The following TOP3A variants were observed in gnomAD, a reference collection of about 807,000 sequenced individuals.
The protein encoded by TOP3A is DNA topoisomerase 3-alpha.
Under a neutral mutation model 111.3 loss-of-function variants are expected in TOP3A, and 64 were observed. The observed-to-expected ratio is 0.57, with a 90% CI of 0.47 to 0.71. TOP3A has a LOEUF of 0.71. Among genes scored for constraint, TOP3A ranks in the 30% least tolerant of loss-of-function variants. The pLI is 0.00. For synonymous variants in TOP3A, 484 were observed against 485.1 expected (o/e 1.00, Z 0.03); for missense variants, 1,104 against 1,285.0 (o/e 0.86, Z 2.15).
chr17:18,271,576 G>T lies in TOP3A; in HGVS notation c.*3226C>A, dbSNP rs1027839554. The T allele has an allele frequency of 4.0e-6, 1 of 249,304 alleles. No homozygotes were observed. Among genetic ancestry groups the T allele is most frequent in the African/African-American group, 2.4e-5 (1 of 42,090 alleles). The allele number at this position is 249,304 out of a possible 1,614,324, so 15.4% of individuals were successfully genotyped here. A position where few individuals can be genotyped will look rare whatever the true frequency, so the allele number is the denominator to read the frequency against. ...CACCCAGGGTGGCAGAAGAGGCCAG[G>T]AAGTGGGAGCTGAGCCTGGGTCTGT... On this transcript the variant is annotated 3_prime_UTR_variant, in exon 19 of 19. Coordinates refer to ENST00000321105, the MANE Select transcript of TOP3A (RefSeq NM_004618.5).
intron 9 of TOP3A, 44 bp downstream of exon 9, chr17:18,299,515 G>GT (rs774640262): frequency 5.7e-6 from 9 of 1,573,600 alleles, no homozygotes; most frequent in Admixed American, 1.7e-5. Context: ...CCTCAAAACA[G>GT]TAAGTGTTCC....
At chr17:18,289,986 C>T (rs1474421824) in intron 13 of TOP3A, among the ~76,000 whole-genome samples, 1 of 152,186 alleles carries the variant, frequency 6.6e-6, no homozygotes, top group Non-Finnish European at 1.5e-5. Flanking sequence ...AGATTAGTTA[C>T]AAGGCCCTAC....
chr17:18,305,929 C>T (rs1308952149), intron 4 of TOP3A, among the ~76,000 whole-genome samples: 1 of 151,658 alleles, frequency 6.6e-6, no homozygotes, highest in Non-Finnish European at 1.5e-5. Context: ...TGGCCAGGCT[C>T]GGTGGCTCAC....
intron 17 of TOP3A, among the ~76,000 whole-genome samples, chr17:18,279,201 AC>A (rs1979596147): frequency 6.6e-6 from 1 of 152,206 alleles, no homozygotes; most frequent in Non-Finnish European, 1.5e-5. Context: ...GTATTTTATT[AC>A]CCTAAAAAAC....
At chr17:18,306,988 A>C in intron 3 of TOP3A, 22 bp from the exon 4 acceptor site, 1 of 1,580,310 alleles carries the variant, frequency 6.3e-7, no homozygotes, top group Non-Finnish European at 8.7e-7. Flanking sequence ...ATGAAAACAG[A>C]GTCCCAACTC....
At chr17:18,290,709 CA>C (rs1567741103) in intron 12 of TOP3A, 23 bp from the exon 13 acceptor site, 2 of 1,580,492 alleles carry the variant, frequency 1.3e-6, no homozygotes, top group South Asian at 2.3e-5. Context: ...GCAGGTGCAA[CA>C]GTCAGATGAT....
At chr17:18,299,297 G>T (rs1981070480) in intron 9 of TOP3A, among the ~76,000 whole-genome samples, 1 of 152,072 alleles carries the variant, frequency 6.6e-6, no homozygotes, top group Non-Finnish European at 1.5e-5. Context: ...TGGTCATAGT[G>T]GTACATGACT....
At chr17:18,304,987 TCA>T (rs1981463926) in intron 5 of TOP3A, 123 bp downstream of exon 5, 1 of 774,694 alleles carries the variant, frequency 1.3e-6, no homozygotes, top group African/African-American at 1.7e-5. Context: ...CTGGTGGGAC[TCA>T]CAGACTGGGA....
At chr17:18,278,856 T>C (rs1979572896) in intron 17 of TOP3A, among the ~76,000 whole-genome samples, 1 of 152,192 alleles carries the variant, frequency 6.6e-6, no homozygotes, top group Non-Finnish European at 1.5e-5. Flanking sequence ...CACGCGCCTG[T>C]AGTCCCAGCT....
chr17:18,303,801 A>C (rs1981386440), intron 5 of TOP3A, among the ~76,000 whole-genome samples: 1 of 152,172 alleles, frequency 6.6e-6, no homozygotes, highest in African/African-American at 2.4e-5. Context: ...GCACTGGTGT[A>C]GGTCTTCACT....
At position 18,292,745 on chromosome 17, in the gene TOP3A, T is replaced by C; in HGVS notation, c.1181A>G (p.Gln394Arg). 6.2e-7 allele frequency: 1 copy of C among 1,613,686 alleles called. No homozygotes were observed. Among genetic ancestry groups the C allele is most frequent in the East Asian group, 2.2e-5 (1 of 44,838 alleles). ...TPDPRWGAFA[Q>R]SILERGGPTP... ...GGGACCACCCCGCTCTAGAATGCTC[T>C]GGGCAAAGGCCCCCCAGCGTGGATC... Residue 394 changes from glutamine to arginine, a missense_variant, in exon 11 of 19, where the codon CAG becomes CGG. By Grantham distance (43) the Gln-to-Arg change is conservative. Transcript: ENST00000321105.
intron 1 of TOP3A, among the ~76,000 whole-genome samples, chr17:18,311,683 C>T (rs1981921025): frequency 6.6e-6 from 1 of 152,236 alleles, no homozygotes; most frequent in South Asian, 2.1e-4. Flanking sequence ...AATCACTGTC[C>T]TTTGGAGTTT....
intron 13 of TOP3A, among the ~76,000 whole-genome samples, chr17:18,288,244 C>G (rs1980247825): frequency 6.7e-6 from 1 of 149,566 alleles, no homozygotes; most frequent in Non-Finnish European, 1.5e-5. Flanking sequence ...CCTCCACCTC[C>G]CGGGTTCAAG....
chr17:18,291,078 G>A, intron 11 of TOP3A, 51 bp from the exon 12 acceptor site: 1 of 1,575,026 alleles, frequency 6.3e-7, no homozygotes, highest in Non-Finnish European at 8.7e-7. Context: ...CACCTCTCAA[G>A]GACAGGAGCA....
intron 13 of TOP3A, 96 bp downstream of exon 13, chr17:18,290,461 G>A (rs138772448): frequency 1.5e-6 from 2 of 1,312,974 alleles, no homozygotes; most frequent in Admixed American, 3.3e-5. Context: ...TATAGCAGCT[G>A]CATTAGAGAA....
In TOP3A at chr17:18,308,928, G is replaced by A; in HGVS notation, c.194C>T (p.Ser65Leu). The change falls in exon 2 of 19, where the codon TCA becomes TTA. Residue 65 changes from serine (S) to leucine (L), a missense_variant. Coordinates refer to ENST00000321105, the MANE Select transcript of TOP3A (RefSeq NM_004618.5). ...NGRMRRREGL[S>L]KFNKIYEFDY... Reference sequence around the variant, plus strand: ...AAATTCATAGATCTTGTTGAATTTTGAAAGTCCTTCTCTCTATAAAACAAA... The same window carrying A: ...AAATTCATAGATCTTGTTGAATTTTAAAAGTCCTTCTCTCTATAAAACAAA... 1 of 1,553,856 alleles carries A rather than the reference G, an allele frequency of 6.4e-7. No homozygotes were observed. Among genetic ancestry groups the A allele is most frequent in the Non-Finnish European group, 8.8e-7 (1 of 1,142,250 alleles).
At chr17:18,283,796 T>C (rs994900619) in intron 15 of TOP3A, among the ~76,000 whole-genome samples, 5 of 152,166 alleles carry the variant, frequency 3.3e-5, no homozygotes, top group Non-Finnish European at 5.9e-5. Flanking sequence ...TGATTCTCAA[T>C]AGAGTGGCTC....
In TOP3A at chr17:18,276,753, G is replaced by A. The variant is rs972578557; in HGVS notation, c.2827+922C>T. On this transcript the variant is annotated intron_variant, in intron 18 of 18. Coordinates refer to ENST00000321105, the MANE Select transcript of TOP3A (RefSeq NM_004618.5). The stretch of plus-strand genomic sequence containing the variant: ...ACTGGAGCAGGAGGAACCATTCAAA[G>A]TGCCTCCACGTACACCATTCAACTT... Among the ~76,000 whole-genome samples the A allele has an allele frequency of 2.0e-5, 3 of 152,224 alleles. No individual in the cohort carries two copies. The East Asian group carries it at 5.8e-4, about 29-fold the overall frequency.
rs1979163775 is a variant in TOP3A at position 18,273,976 on chromosome 17, T to G, written c.*826A>C. 6.6e-6 allele frequency: 1 copy of G among 151,858 alleles called. No individual in the cohort carries two copies. Among genetic ancestry groups the G allele is most frequent in the South Asian group, 2.1e-4 (1 of 4,800 alleles). The allele number at this position is 151,858 out of a possible 1,614,324, so 9.4% of individuals were successfully genotyped here. ...TTTTTAAATTTTTTTTGAGACTGAGTCTCGCTCTGTCGTCCAGTGGCGCAA... is the reference window on the plus strand; with the variant it reads ...TTTTTAAATTTTTTTTGAGACTGAGGCTCGCTCTGTCGTCCAGTGGCGCAA... On this transcript the variant is annotated 3_prime_UTR_variant, in exon 19 of 19. Transcript: ENST00000321105.
Sources: gnomAD v4.1 joint callset for allele counts (sites outside exome capture counted in the v4.1 genomes callset) on GRCh38, gnomAD v4.1.1 for gene constraint, MANE v1.5 for transcripts, NCBI Gene and HGNC (gene_info 2026-07-23, HGNC 2026-07-21) for gene names.